Variants in KIRREL3 observed in about 807,000 individuals in gnomAD.
KIRREL3 encodes the protein kin of IRRE-like protein 3.
KIRREL3 carries 36 observed loss-of-function variants against 89.7 expected under a neutral mutation model. That is an observed-to-expected ratio of 0.40 (90% CI 0.31 to 0.53). The LOEUF is 0.53. Among genes scored for constraint, KIRREL3 ranks in the 20% least tolerant of loss-of-function variants. The probability of loss-of-function intolerance (pLI) is 0.49; values close to 1 mark genes in which losing one functional copy is unlikely to be tolerated. For synonymous variants in KIRREL3, 445 were observed against 441.4 expected (o/e 1.01, Z -0.10); for missense variants, 864 against 1,056.6 (o/e 0.82, Z 2.53).
At chr11:126,487,904 G>A (rs867993006) in intron 4 of KIRREL3, among the ~76,000 whole-genome samples, 4 of 152,346 alleles carry the variant, frequency 2.6e-5, no homozygotes, top group Admixed American at 1.3e-4. Context: ...TGTCCTGAAA[G>A]GGGTAAAGAG....
In KIRREL3 at chr11:126,689,150, CT is replaced by C. The variant is rs1273162476; in HGVS notation, c.56-126239del. ...AGGTGATAAACTGGCCCACTGTGAT[CT>C]TGCAGGAAACATCAACAGTCTGAGA... On this transcript the variant is annotated intron_variant, in intron 1 of 16. Coordinates refer to ENST00000525144, the MANE Select transcript of KIRREL3 (RefSeq NM_032531.4). This position sits in a 1 kb window ranked among gnomAD's most constrained non-coding sequence, Gnocchi z 5.2. Among the ~76,000 whole-genome samples, 6 of 151,828 alleles carry C rather than the reference CT, an allele frequency of 4.0e-5. No individual in the cohort carries two copies. Among genetic ancestry groups the C allele is most frequent in the African/African-American group, 1.2e-4 (5 of 41,388 alleles).
rs1301646696 is a variant in KIRREL3 at position 126,989,081 on chromosome 11, TGAG to T, written c.55+11371_55+11373del. On this transcript the variant is annotated intron_variant, in intron 1 of 16. Coordinates refer to ENST00000525144, the MANE Select transcript of KIRREL3 (RefSeq NM_032531.4). The surrounding 1 kb of genome is among the most constrained non-coding windows in gnomAD (Gnocchi z 6.2). ...CTCGTTGGTATAACATCTTTTAATT[TGAG>T]GAGGAGCTCAGTCCCCATTATTTTC... Among the ~76,000 whole-genome samples, 1 of 152,178 alleles carries T rather than the reference TGAG, an allele frequency of 6.6e-6. No individual in the cohort carries two copies. Among genetic ancestry groups the T allele is most frequent in the East Asian group, 1.9e-4 (1 of 5,182 alleles).
At chr11:126,437,320 C>T (rs958607155) in intron 11 of KIRREL3, among the ~76,000 whole-genome samples, 19 of 152,130 alleles carry the variant, frequency 1.2e-4, no homozygotes, top group Admixed American at 2.0e-4. Context: ...CCACACATGG[C>T]CAACACGTTT....
rs978068069 is a variant in KIRREL3, at chr11:126,696,512, C to T, written c.56-133600G>A. Among the ~76,000 whole-genome samples, 12 of 152,150 alleles carry T rather than the reference C, an allele frequency of 7.9e-5. No individual in the cohort carries two copies. The highest frequency in any genetic ancestry group is 2.1e-4 in the South Asian group (1 of 4,830). ...TACGCAGGCATGTGGCCTCTTGCCT[C>T]GACATCTGGCCCCACCGTCCAACCC... On this transcript the variant is annotated intron_variant, in intron 1 of 16. Coordinates refer to ENST00000525144, the MANE Select transcript of KIRREL3 (RefSeq NM_032531.4). The surrounding 1 kb of genome is among the most constrained non-coding windows in gnomAD (Gnocchi z 4.4).
At chr11:126,425,589 T>G in intron 16 of KIRREL3, 49 bp downstream of exon 16, 1 of 1,464,166 alleles carries the variant, frequency 6.8e-7, no homozygotes, top group East Asian at 2.5e-5. Flanking sequence ...CCATCAGAGC[T>G]AAAGACCAGA....
chr11:126,856,807 A>T (rs1471742253), intron 1 of KIRREL3, among the ~76,000 whole-genome samples: 1 of 151,744 alleles, frequency 6.6e-6, no homozygotes, highest in Non-Finnish European at 1.5e-5. Context: ...AGTAGCCAGG[A>T]TGGTCTCGAT....
chr11:126,885,552 CATT>C (rs1309937993), intron 1 of KIRREL3, among the ~76,000 whole-genome samples: 1 of 152,194 alleles, frequency 6.6e-6, no homozygotes, highest in East Asian at 1.9e-4. Context: ...TATCAATCAT[CATT>C]GTCAACCTCA....
intron 1 of KIRREL3, among the ~76,000 whole-genome samples, chr11:126,573,005 G>A (rs1941050775): frequency 6.6e-6 from 1 of 152,206 alleles, no homozygotes; most frequent in South Asian, 2.1e-4. Flanking sequence ...CACAAGGGAA[G>A]GGGGCAGAGA....
intron 7 of KIRREL3, among the ~76,000 whole-genome samples, chr11:126,452,235 G>A (rs1202685997): frequency 6.6e-6 from 1 of 152,248 alleles, no homozygotes; most frequent in Non-Finnish European, 1.5e-5. Flanking sequence ...AGCTTAAGGA[G>A]CTTCCCAACA....
In KIRREL3 at chr11:126,666,820, A is replaced by C. The variant is rs934607820; in HGVS notation, c.56-103908T>G. Among the ~76,000 whole-genome samples, 1 of 152,212 alleles carries C rather than the reference A, an allele frequency of 6.6e-6. No individual in the cohort carries two copies. Reference sequence around the variant, plus strand: ...AGTCACTGAGTTTCTCTGTTGATCAATCACCATTGCTGGTACAGGTATATT... The same window carrying C: ...AGTCACTGAGTTTCTCTGTTGATCACTCACCATTGCTGGTACAGGTATATT... On this transcript the variant is annotated intron_variant, in intron 1 of 16. Coordinates refer to ENST00000525144, the MANE Select transcript of KIRREL3 (RefSeq NM_032531.4). The surrounding 1 kb of genome is among the most constrained non-coding windows in gnomAD (Gnocchi z 4.2).
chr11:126,847,339 A>G (rs923772191), intron 1 of KIRREL3, among the ~76,000 whole-genome samples: 5 of 152,210 alleles, frequency 3.3e-5, no homozygotes, highest in Admixed American at 6.5e-5. Context: ...AAATCATTGT[A>G]TGCCACAGAG....
In KIRREL3 at chr11:126,530,639, G is replaced by A. The variant is rs12269946; in HGVS notation, c.134-3952C>T. ...GCTGTGCCCCCTCCCCATCACACCTGGGCGTCTCAGATGGAGCACAGAGTA... is the reference window on the plus strand; with the variant it reads ...GCTGTGCCCCCTCCCCATCACACCTAGGCGTCTCAGATGGAGCACAGAGTA... On this transcript the variant is annotated intron_variant, in intron 2 of 16. Transcript: ENST00000525144. This position sits in a 1 kb window ranked among gnomAD's most constrained non-coding sequence, Gnocchi z 5.8. 0.22 allele frequency among the ~76,000 whole-genome samples: 33,368 copies of A among 151,910 alleles called. 3,983 individuals carry two copies. Among genetic ancestry groups the A allele is most frequent in the African/African-American group, 0.29 (11,979 of 41,386 alleles).
At chr11:126,518,170 C>T (rs1035605193) in intron 4 of KIRREL3, among the ~76,000 whole-genome samples, 1 of 152,204 alleles carries the variant, frequency 6.6e-6, no homozygotes, top group African/African-American at 2.4e-5. Context: ...TGCTCCTTGC[C>T]TGATTGCATC....
At chr11:126,453,528 A>G (rs541370465) in intron 7 of KIRREL3, among the ~76,000 whole-genome samples, 44 of 152,340 alleles carry the variant, frequency 2.9e-4, no homozygotes, top group African/African-American at 1.1e-3. Flanking sequence ...GGAAAAATCA[A>G]TGTACTTATG....
rs1287361165 is a variant in KIRREL3, at chr11:126,876,130, G to A, written c.55+124325C>T. On this transcript the variant is annotated intron_variant, in intron 1 of 16. Coordinates refer to ENST00000525144, the MANE Select transcript of KIRREL3 (RefSeq NM_032531.4). This position sits in a 1 kb window ranked among gnomAD's most constrained non-coding sequence, Gnocchi z 4.1. ...GCAGCCGTCTTCTACTAGCTCTTCA[G>A]AACTTTCTGGCCCCAATACTACTAG... Among the ~76,000 whole-genome samples the A allele has an allele frequency of 1.3e-5, 2 of 152,162 alleles. No individual in the cohort carries two copies. Among genetic ancestry groups the A allele is most frequent in the Non-Finnish European group, 2.9e-5 (2 of 68,026 alleles).
chr11:126,658,584 T>C (rs373081724), intron 1 of KIRREL3, among the ~76,000 whole-genome samples: 102 of 152,368 alleles, frequency 6.7e-4, no homozygotes, highest in African/African-American at 2.3e-3. Flanking sequence ...CCTATTGATC[T>C]TTTATACTTT....
rs1946710092 is a variant in KIRREL3, at chr11:126,909,226, G to C, written c.55+91229C>G. On this transcript the variant is annotated intron_variant, in intron 1 of 16. Transcript: ENST00000525144. This position sits in a 1 kb window ranked among gnomAD's most constrained non-coding sequence, Gnocchi z 4.5. ...CTCAGGCAGGGAAGGAATGGGGTCG[G>C]AGAGGGAGGAGTTCATGGGAGGTGT... Among the ~76,000 whole-genome samples, 1 of 152,072 alleles carries C rather than the reference G, an allele frequency of 6.6e-6. No homozygotes were observed. The highest frequency in any genetic ancestry group is 2.1e-4 in the South Asian group (1 of 4,806).
chr11:126,940,842 G>A lies in KIRREL3; in HGVS notation c.55+59613C>T, dbSNP rs894949313. Reference sequence around the variant, plus strand: ...TTCTTTTGGTGTAACAGTATCGCATGAGCCAAGACTGTCATGAAACTATTT... The same window carrying A: ...TTCTTTTGGTGTAACAGTATCGCATAAGCCAAGACTGTCATGAAACTATTT... On this transcript the variant is annotated intron_variant, in intron 1 of 16. Coordinates refer to ENST00000525144, the MANE Select transcript of KIRREL3 (RefSeq NM_032531.4). The surrounding 1 kb of genome is among the most constrained non-coding windows in gnomAD (Gnocchi z 4.6). The A allele has an allele frequency of 6.6e-6, 1 of 151,234 alleles. No homozygotes were observed. The highest frequency in any genetic ancestry group is 1.5e-5 in the Non-Finnish European group (1 of 67,910). The allele number at this position is 151,234 out of a possible 1,614,324, so 9.4% of individuals were successfully genotyped here.
rs768452484 is a variant in KIRREL3, at chr11:126,594,406, A to G, written c.56-31494T>C. On this transcript the variant is annotated intron_variant, in intron 1 of 16. Coordinates refer to ENST00000525144, the MANE Select transcript of KIRREL3 (RefSeq NM_032531.4). This position sits in a 1 kb window ranked among gnomAD's most constrained non-coding sequence, Gnocchi z 5.0. ...GAAACTCTGCGCCCTTTAGACTCCA[A>G]TCTTCTTGGAGAAGCTACAGGGTGT... Among the ~76,000 whole-genome samples the G allele has an allele frequency of 2.6e-5, 4 of 152,290 alleles. No homozygotes were observed. Among genetic ancestry groups the G allele is most frequent in the African/African-American group, 4.8e-5 (2 of 41,568 alleles).
Sources: allele counts gnomAD v4.1 joint callset (sites outside exome capture counted in the v4.1 genomes callset), GRCh38; gene constraint gnomAD v4.1.1; non-coding constraint Gnocchi (gnomAD v3.1); transcripts MANE v1.5; gene names NCBI Gene and HGNC (gene_info 2026-07-23, HGNC 2026-07-21).